Variants in OPCML observed in about 807,000 individuals in gnomAD.
OPCML encodes the protein opioid-binding protein/cell adhesion molecule.
In OPCML, 13 loss-of-function variants were observed where a neutral mutation model predicts 37.8. The ratio of observed to expected loss-of-function variants is 0.34; its 90% CI spans 0.22 to 0.55. The LOEUF (loss-of-function observed/expected upper bound fraction) is 0.55. Ranked by LOEUF, OPCML falls within the 20% of genes least tolerant of loss-of-function variation. OPCML has a pLI of 0.91. For missense variants in OPCML, 341 were observed against 435.6 expected (o/e 0.78, Z 1.93); for synonymous variants, 176 against 168.8 (o/e 1.04, Z -0.33).
At chr11:133,494,837 A>G (rs1947747040) in intron 1 of OPCML, among the ~76,000 whole-genome samples, 2 of 151,590 alleles carry the variant, frequency 1.3e-5, no homozygotes, top group African/African-American at 2.4e-5. Flanking sequence ...TAACCTGCAC[A>G]TTGTGCACAT....
At chr11:132,806,267 T>G (rs1939001466) in intron 2 of OPCML, among the ~76,000 whole-genome samples, 1 of 151,798 alleles carries the variant, frequency 6.6e-6, no homozygotes, top group Admixed American at 6.6e-5. Context: ...ACCAAAACAA[T>G]AATTACATGA....
chr11:132,961,080 G>T (rs1411054658), intron 1 of OPCML, among the ~76,000 whole-genome samples: 1 of 152,194 alleles, frequency 6.6e-6, no homozygotes, highest in Admixed American at 6.5e-5. Flanking sequence ...GCAAGGGTCT[G>T]TCAGAAATAA....
chr11:133,202,873 C>A (rs1273351143), intron 1 of OPCML, among the ~76,000 whole-genome samples: 3 of 152,186 alleles, frequency 2.0e-5, no homozygotes, highest in Non-Finnish European at 4.4e-5. Flanking sequence ...TTGAAGCCTC[C>A]CTCCCGGACA....
At chr11:132,875,154 T>C (rs2135628) in intron 2 of OPCML, among the ~76,000 whole-genome samples, 8,736 of 152,276 alleles carry the variant, frequency 0.057, 329 homozygotes, top group South Asian at 0.18. Context: ...AATAATTTGC[T>C]TCATGTAAAG....
intron 1 of OPCML, chr11:133,024,554 A>G: frequency 1.0e-6 from 1 of 985,360 alleles, no homozygotes. Context: ...CACGTAATTC[A>G]TGTACAACAA....
intron 4 of OPCML, among the ~76,000 whole-genome samples, chr11:132,458,357 G>A (rs2096089577): frequency 6.6e-6 from 1 of 152,092 alleles, no homozygotes; most frequent in South Asian, 2.1e-4. Context: ...CCCTGACTAG[G>A]AGCTAAAAAG....
At chr11:133,406,869 A>G (rs975294933) in intron 1 of OPCML, among the ~76,000 whole-genome samples, 1 of 152,212 alleles carries the variant, frequency 6.6e-6, no homozygotes, top group African/African-American at 2.4e-5. Context: ...TGAAACCTTA[A>G]TCGCAATTAC....
chr11:133,274,774 T>C (rs1941945556), intron 1 of OPCML, among the ~76,000 whole-genome samples: 1 of 152,164 alleles, frequency 6.6e-6, no homozygotes, highest in Non-Finnish European at 1.5e-5. Context: ...CACGAGCTTT[T>C]ACAAAGAATT....
intron 2 of OPCML, among the ~76,000 whole-genome samples, chr11:132,835,375 GAAT>G (rs746409774): frequency 5.3e-5 from 8 of 152,274 alleles, no homozygotes; most frequent in Non-Finnish European, 1.2e-4. Flanking sequence ...TCCCTTTCAG[GAAT>G]ATTATGATTA....
intron 1 of OPCML, among the ~76,000 whole-genome samples, chr11:133,130,274 T>A (rs1949582682): frequency 6.6e-6 from 1 of 151,634 alleles, no homozygotes; most frequent in Admixed American, 6.6e-5. Flanking sequence ...AAATATATGA[T>A]AAAAGAAAAT....
chr11:132,639,548 G>T (rs1940721868), intron 3 of OPCML, among the ~76,000 whole-genome samples: 1 of 152,208 alleles, frequency 6.6e-6, no homozygotes, highest in Non-Finnish European at 1.5e-5. Context: ...GGAACCTAAA[G>T]TTCCTGAATC....
chr11:133,157,915 G>A lies in OPCML; in HGVS notation c.62-214905C>T, dbSNP rs115654854. Among the ~76,000 whole-genome samples the A allele has an allele frequency of 9.5e-3, 1,453 of 152,244 alleles. 24 individuals are homozygous for A. The highest frequency in any genetic ancestry group is 0.033 in the African/African-American group (1,384 of 41,538). On this transcript the variant is annotated intron_variant, in intron 1 of 7. Coordinates refer to ENST00000524381, the MANE Select transcript of OPCML (RefSeq NM_001012393.5). ...AAAAACATATCATTCTGCTTGCCCC[G>A]GGGGGCACTGGTTATACAAGAGGCT...
chr11:132,507,849 G>GA (rs11387255), intron 4 of OPCML, among the ~76,000 whole-genome samples: 30,315 of 151,456 alleles, frequency 0.2, 3,109 homozygotes, highest in Non-Finnish European at 0.22. Flanking sequence ...CAGTAAATAT[G>GA]GAGTAAAAAA....
intron 1 of OPCML, among the ~76,000 whole-genome samples, chr11:133,220,421 G>A (rs563078863): frequency 1.3e-5 from 2 of 152,164 alleles, no homozygotes; most frequent in Non-Finnish European, 2.9e-5. Context: ...CCACATGAAG[G>A]CCACCCTTGC....
chr11:133,266,320 C>T (rs1417974817), intron 1 of OPCML, among the ~76,000 whole-genome samples: 1 of 152,146 alleles, frequency 6.6e-6, no homozygotes, highest in Non-Finnish European at 1.5e-5. Flanking sequence ...CTCCTTCAAA[C>T]TTGCTGTCCC....
chr11:132,479,747 AC>A (rs1291531534), intron 4 of OPCML, among the ~76,000 whole-genome samples: 6 of 152,054 alleles, frequency 3.9e-5, no homozygotes, highest in South Asian at 2.1e-4. Context: ...ACTGGGAGGC[AC>A]CCCCCAGCAG....
At chr11:133,137,104 C>T (rs886995832) in intron 1 of OPCML, among the ~76,000 whole-genome samples, 22 of 152,116 alleles carry the variant, frequency 1.4e-4, no homozygotes, top group African/African-American at 2.4e-5. Context: ...TATTTAACAA[C>T]AGGAAGCTCT....
At chr11:133,358,325 A>G (rs1944337175) in intron 1 of OPCML, among the ~76,000 whole-genome samples, 1 of 152,138 alleles carries the variant, frequency 6.6e-6, no homozygotes, top group South Asian at 2.1e-4. Context: ...TATTCACAGC[A>G]CTTATGGTGG....
chr11:132,910,060 G>C (rs551437605), intron 2 of OPCML, among the ~76,000 whole-genome samples: 4 of 152,272 alleles, frequency 2.6e-5, no homozygotes, highest in African/African-American at 9.6e-5. Flanking sequence ...GATTTCCATC[G>C]AGAGAGTCGG....
Sources: gnomAD v4.1 joint callset for allele counts (sites outside exome capture counted in the v4.1 genomes callset) on GRCh38, gnomAD v4.1.1 for gene constraint, MANE v1.5 for transcripts, NCBI Gene and HGNC (gene_info 2026-07-23, HGNC 2026-07-21) for gene names.